The following AUTS2 variants were observed in gnomAD, a reference collection of about 807,000 sequenced individuals.
AUTS2 encodes the protein autism susceptibility gene 2 protein.
Under a neutral mutation model 112.4 loss-of-function variants are expected in AUTS2, and 17 were observed. The ratio of observed to expected loss-of-function variants is 0.15; its 90% confidence interval spans 0.10 to 0.23. The LOEUF (loss-of-function observed/expected upper bound fraction) is 0.23, where lower values mean the gene tolerates loss of function less well. Among genes scored for constraint, AUTS2 ranks in the 10% least tolerant of loss-of-function variants. The probability of loss-of-function intolerance (pLI) is 1.00; values close to 1 mark genes in which losing one functional copy is unlikely to be tolerated. For missense variants in AUTS2, 1,510 were observed against 1,701.6 expected (o/e 0.89, Z 1.98); for synonymous variants, 751 against 702.7 (o/e 1.07, Z -1.09).
At chr7:70,355,076 A>G (rs1312802650) in intron 4 of AUTS2, among the ~76,000 whole-genome samples, 1 of 139,328 alleles carries the variant, frequency 7.2e-6, no homozygotes, top group Non-Finnish European at 1.6e-5. Context: ...GTGTGTGTGT[A>G]TATATGTGTG....
intron 5 of AUTS2, among the ~76,000 whole-genome samples, chr7:70,527,636 A>G (rs1257189379): frequency 6.6e-6 from 1 of 152,202 alleles, no homozygotes; most frequent in Non-Finnish European, 1.5e-5. Flanking sequence ...AAGGGAGATA[A>G]AAGAGAAAAG....
intron 2 of AUTS2, among the ~76,000 whole-genome samples, chr7:69,982,641 T>G (rs993964839): frequency 6.6e-6 from 1 of 152,196 alleles, no homozygotes; most frequent in Non-Finnish European, 1.5e-5. Context: ...ACGGCCACTT[T>G]TTCCATTGAA....
chr7:70,686,952 A>T (rs1029592092), intron 5 of AUTS2, among the ~76,000 whole-genome samples: 4 of 152,104 alleles, frequency 2.6e-5, no homozygotes, highest in Non-Finnish European at 4.4e-5. Flanking sequence ...TCAATCTGTC[A>T]TCTCTGATGA....
chr7:70,266,910 G>C (rs181092133), intron 4 of AUTS2, among the ~76,000 whole-genome samples: 1 of 152,148 alleles, frequency 6.6e-6, no homozygotes, highest in African/African-American at 2.4e-5. Flanking sequence ...TGTGTTACCC[G>C]CTTTGGGCCA....
At chr7:70,774,146 T>C in intron 12 of AUTS2, 47 bp downstream of exon 12, 1 of 1,581,300 alleles carries the variant, frequency 6.3e-7, no homozygotes, top group Non-Finnish European at 8.7e-7. Context: ...AGGGTGTGTG[T>C]GTTTGCACGG....
intron 3 of AUTS2, among the ~76,000 whole-genome samples, chr7:70,130,271 G>A (rs961839073): frequency 6.6e-6 from 1 of 152,192 alleles, no homozygotes; most frequent in Non-Finnish European, 1.5e-5. Context: ...TGTAACAGTA[G>A]CCATGGCCTC....
In AUTS2 at chr7:69,954,148, TAATC is replaced by T. The variant is rs998869193; in HGVS notation, c.522+54656_522+54659del. 2.8e-3 allele frequency among the ~76,000 whole-genome samples: 420 copies of T among 152,320 alleles called. 2 individuals carry two copies. Among genetic ancestry groups the T allele is most frequent in the African/African-American group, 9.5e-3 (396 of 41,574 alleles). ...ACATTGTGAATATTCAAAATCAAAC[TAATC>T]AATCACTCCACATAGTTACCGCTTT... On this transcript the variant is annotated intron_variant, in intron 2 of 18. Transcript: ENST00000342771.
At chr7:70,215,625 A>T (rs1231919687) in intron 4 of AUTS2, among the ~76,000 whole-genome samples, 1 of 152,192 alleles carries the variant, frequency 6.6e-6, no homozygotes, top group Non-Finnish European at 1.5e-5. Context: ...TGAGTAGTGA[A>T]TTACTCAGAG....
At chr7:70,683,018 A>G (rs931514176) in intron 5 of AUTS2, among the ~76,000 whole-genome samples, 6 of 152,236 alleles carry the variant, frequency 3.9e-5, no homozygotes, top group South Asian at 2.1e-4. Flanking sequence ...TCCTCATTCT[A>G]TTCATCAAAA....
chr7:70,260,993 C>A (rs528637506), intron 4 of AUTS2, among the ~76,000 whole-genome samples: 1 of 152,058 alleles, frequency 6.6e-6, no homozygotes, highest in African/African-American at 2.4e-5. Context: ...GTGATCCACC[C>A]GCCTCGGGCT....
At chr7:69,623,746 A>G (rs1387767854) in intron 1 of AUTS2, among the ~76,000 whole-genome samples, 2 of 152,118 alleles carry the variant, frequency 1.3e-5, no homozygotes, top group African/African-American at 2.4e-5. Context: ...TATTTACTGT[A>G]AAATAGAACA....
At chr7:69,854,326 T>C (rs1792621743) in intron 1 of AUTS2, among the ~76,000 whole-genome samples, 1 of 152,162 alleles carries the variant, frequency 6.6e-6, no homozygotes, top group African/African-American at 2.4e-5. Context: ...AAACTGGGAC[T>C]TGAATACAGG....
chr7:70,595,210 A>G (rs918384750), intron 5 of AUTS2, among the ~76,000 whole-genome samples: 1 of 152,092 alleles, frequency 6.6e-6, no homozygotes, highest in African/African-American at 2.4e-5. Flanking sequence ...TGTCATCCTC[A>G]GCCACTGGTT....
At chr7:70,388,798 A>AG (rs901142538) in intron 4 of AUTS2, among the ~76,000 whole-genome samples, 1 of 152,236 alleles carries the variant, frequency 6.6e-6, no homozygotes, top group African/African-American at 2.4e-5. Flanking sequence ...GACCTGGACA[A>AG]GGGGACCTGT....
chr7:70,561,227 C>G (rs1335565652), intron 5 of AUTS2, among the ~76,000 whole-genome samples: 2 of 152,150 alleles, frequency 1.3e-5, no homozygotes, highest in Non-Finnish European at 2.9e-5. Context: ...AGAACTGAAC[C>G]CCTCATCTCA....
chr7:70,084,570 A>G (rs1331382698), intron 2 of AUTS2, among the ~76,000 whole-genome samples: 2 of 152,190 alleles, frequency 1.3e-5, no homozygotes, highest in African/African-American at 2.4e-5. Flanking sequence ...CCATTTTGCC[A>G]TCCTAATAGG....
chr7:70,180,791 G>A (rs1809256685), intron 4 of AUTS2, among the ~76,000 whole-genome samples: 1 of 152,066 alleles, frequency 6.6e-6, no homozygotes, highest in African/African-American at 2.4e-5. Flanking sequence ...CCCTTTCTCA[G>A]TCTACTTTAG....
At chr7:70,116,658 C>T (rs1389502752) in intron 2 of AUTS2, among the ~76,000 whole-genome samples, 2 of 152,202 alleles carry the variant, frequency 1.3e-5, no homozygotes, top group South Asian at 2.1e-4. Context: ...CTGATCATTT[C>T]CCAGCATGTT....
At chr7:70,773,518 G>A (rs531335467) in intron 11 of AUTS2, among the ~76,000 whole-genome samples, 26 of 152,314 alleles carry the variant, frequency 1.7e-4, no homozygotes, top group African/African-American at 5.8e-4. Context: ...TTCCACCACT[G>A]CTAATGAGTA....
Sources: gnomAD v4.1 joint callset for allele counts (sites outside exome capture counted in the v4.1 genomes callset) on GRCh38, gnomAD v4.1.1 for gene constraint, MANE v1.5 for transcripts, NCBI Gene and HGNC (gene_info 2026-07-23, HGNC 2026-07-21) for gene names.